The following ARHGAP24 variants were observed in gnomAD, a reference collection of about 807,000 sequenced individuals.
ARHGAP24 encodes the protein rho GTPase-activating protein 24.
In ARHGAP24, 50 loss-of-function variants were observed where a neutral mutation model predicts 76.4. That is an observed-to-expected ratio of 0.65 (90% CI 0.52 to 0.83). ARHGAP24 has a LOEUF of 0.83. ARHGAP24 is among the 40% of genes least tolerant of loss of function. The pLI is 0.00. For synonymous variants in ARHGAP24, 345 were observed against 323.3 expected, an observed-to-expected ratio of 1.07 and a Z score of -0.72; for missense variants, 930 against 914.2, an observed-to-expected ratio of 1.02 and a Z score of -0.22.
intron 3 of ARHGAP24, among the ~76,000 whole-genome samples, chr4:85,847,638 T>C (rs1012435574): frequency 6.6e-6 from 1 of 152,112 alleles, no homozygotes; most frequent in African/African-American, 2.4e-5. Context: ...AACGTCAAGG[T>C]TTAGATGTGG....
At chr4:85,842,955 C>T (rs1053545246) in intron 3 of ARHGAP24, among the ~76,000 whole-genome samples, 4 of 152,070 alleles carry the variant, frequency 2.6e-5, no homozygotes, top group African/African-American at 4.8e-5. Flanking sequence ...AAGAACCTAC[C>T]GGTAGTAAAT....
intron 3 of ARHGAP24, among the ~76,000 whole-genome samples, chr4:85,919,258 G>C (rs2148807863): frequency 6.6e-6 from 1 of 152,170 alleles, no homozygotes; most frequent in East Asian, 1.9e-4. Context: ...TCAAAATTCT[G>C]AGTTTATTCA....
chr4:85,856,623 A>G (rs345361), intron 3 of ARHGAP24, among the ~76,000 whole-genome samples: 126,796 of 151,660 alleles, frequency 0.84, 55,332 homozygotes, highest in Non-Finnish European at 0.97. Flanking sequence ...GGCATGCACC[A>G]CCACATCCCG....
At chr4:85,601,577 C>T (rs902342499) in intron 2 of ARHGAP24, among the ~76,000 whole-genome samples, 1 of 152,128 alleles carries the variant, frequency 6.6e-6, no homozygotes, top group Non-Finnish European at 1.5e-5. Flanking sequence ...CCAAAAATCT[C>T]TCCAGATGTT....
chr4:85,505,893 C>T lies in ARHGAP24; in HGVS notation c.-21+30334C>T, dbSNP rs546139061. 1.8e-4 allele frequency among the ~76,000 whole-genome samples: 28 copies of T among 152,172 alleles called. No individual in the cohort carries two copies. In the South Asian group the frequency reaches 5.2e-3, roughly 28 times the overall value. ...TTTGGTCTTTGATGTTGGTGACCTACAGATGGGGTTTTGGTGTAGATGTAC... is the reference window on the plus strand; with the variant it reads ...TTTGGTCTTTGATGTTGGTGACCTATAGATGGGGTTTTGGTGTAGATGTAC... On this transcript the variant is annotated intron_variant, in intron 1 of 9. Coordinates refer to ENST00000395184, the MANE Select transcript of ARHGAP24 (RefSeq NM_001025616.3).
chr4:85,574,956 CA>C (rs1485244038), intron 2 of ARHGAP24, among the ~76,000 whole-genome samples: 5 of 152,118 alleles, frequency 3.3e-5, no homozygotes, highest in Non-Finnish European at 7.4e-5. Context: ...TCTTTTTGAG[CA>C]AAAGGCAAAG....
chr4:85,947,531 G>A (rs1242129936), intron 5 of ARHGAP24, among the ~76,000 whole-genome samples: 1 of 152,108 alleles, frequency 6.6e-6, no homozygotes, highest in African/African-American at 2.4e-5. Context: ...ATATGAATTT[G>A]GGGGAACACA....
intron 2 of ARHGAP24, among the ~76,000 whole-genome samples, chr4:85,584,541 T>G (rs1489533059): frequency 1.3e-5 from 2 of 151,932 alleles, no homozygotes; most frequent in African/African-American, 4.8e-5. Context: ...TGTATACATA[T>G]GTAACTAACC....
chr4:85,549,448 T>C (rs1578026136), intron 1 of ARHGAP24, among the ~76,000 whole-genome samples: 1 of 151,988 alleles, frequency 6.6e-6, no homozygotes, highest in Non-Finnish European at 1.5e-5. Flanking sequence ...GTATTTCTGT[T>C]TGTTCCTCTG....
intron 9 of ARHGAP24, among the ~76,000 whole-genome samples, chr4:85,999,552 TG>T (rs1740880012): frequency 6.6e-6 from 1 of 152,136 alleles, no homozygotes; most frequent in Non-Finnish European, 1.5e-5. Flanking sequence ...CAAATTTCAG[TG>T]GTATGGTAAG....
intron 2 of ARHGAP24, among the ~76,000 whole-genome samples, chr4:85,639,107 A>G (rs1721427911): frequency 6.6e-6 from 1 of 152,082 alleles, no homozygotes; most frequent in South Asian, 2.1e-4. Context: ...CTTGTTTCTT[A>G]TTCCCCAAAT....
chr4:85,974,802 T>A (rs1275753899), intron 6 of ARHGAP24, 86 bp from the exon 7 acceptor site: 3 of 1,295,960 alleles, frequency 2.3e-6, no homozygotes, highest in East Asian at 2.4e-5. Flanking sequence ...ACTAATTTTT[T>A]AAAAAATTAT....
intron 2 of ARHGAP24, among the ~76,000 whole-genome samples, chr4:85,685,669 C>G (rs1220903854): frequency 6.9e-6 from 1 of 144,668 alleles, no homozygotes; most frequent in Non-Finnish European, 1.5e-5. Flanking sequence ...GAAGTCTCCA[C>G]AAAGTGCTTC....
At chr4:85,689,711 C>T (rs773072109) in intron 2 of ARHGAP24, among the ~76,000 whole-genome samples, 2 of 152,076 alleles carry the variant, frequency 1.3e-5, no homozygotes, top group Non-Finnish European at 2.9e-5. Context: ...AGTACATTGA[C>T]GATGTATCCT....
chr4:85,723,330 T>C (rs886562410), intron 3 of ARHGAP24: 1 of 152,268 alleles, frequency 6.6e-6, no homozygotes, highest in Non-Finnish European at 1.5e-5. Flanking sequence ...TTTCATCTTT[T>C]GGTGAAGAAG....
At chr4:85,719,856 T>C (rs1380537964) in intron 2 of ARHGAP24, among the ~76,000 whole-genome samples, 2 of 152,180 alleles carry the variant, frequency 1.3e-5, no homozygotes, top group African/African-American at 4.8e-5. Context: ...CAAGAATCTA[T>C]GCAAGTATAT....
At chr4:85,628,465 G>A (rs1017546579) in intron 2 of ARHGAP24, among the ~76,000 whole-genome samples, 20 of 152,260 alleles carry the variant, frequency 1.3e-4, no homozygotes, top group African/African-American at 4.3e-4. Flanking sequence ...TGGATGGAAG[G>A]AATACGGCTA....
chr4:85,520,457 T>C (rs2110110686), intron 1 of ARHGAP24, among the ~76,000 whole-genome samples: 1 of 152,302 alleles, frequency 6.6e-6, no homozygotes, highest in East Asian at 1.9e-4. Flanking sequence ...CTTCTAAGAT[T>C]GCCAGTCCTG....
At chr4:85,895,001 C>CAAA (rs1222078793) in intron 3 of ARHGAP24, among the ~76,000 whole-genome samples, 48 of 54,318 alleles carry the variant, frequency 8.8e-4, no homozygotes, top group East Asian at 5.5e-3. Flanking sequence ...AAACAAAAAG[C>CAAA]AAAAAAAAAA....
Sources: allele counts gnomAD v4.1 joint callset (sites outside exome capture counted in the v4.1 genomes callset), GRCh38; gene constraint gnomAD v4.1.1; transcripts MANE v1.5; gene names NCBI Gene and HGNC (gene_info 2026-07-23, HGNC 2026-07-21).